EPHA6: variants seen among roughly 807,000 people sequenced by gnomAD.
The protein encoded by EPHA6 is ephrin type-A receptor 6.
In EPHA6, 50 loss-of-function variants were observed where a neutral mutation model predicts 112.0. That is an observed-to-expected ratio of 0.45 (90% confidence interval 0.36 to 0.56). The LOEUF (loss-of-function observed/expected upper bound fraction) is 0.56, where lower values mean the gene tolerates loss of function less well. Ranked by LOEUF, EPHA6 falls within the 20% of genes least tolerant of loss-of-function variation. The pLI is 0.00. For missense variants in EPHA6, 1,280 were observed against 1,417.4 expected (o/e 0.90, Z 1.56); for synonymous variants, 529 against 490.7 (o/e 1.08, Z -1.03).
intron 5 of EPHA6, among the ~76,000 whole-genome samples, chr3:97,281,248 C>T (rs889463275): frequency 1.3e-5 from 2 of 150,238 alleles, no homozygotes; most frequent in Non-Finnish European, 3.0e-5. Flanking sequence ...TGTGCATGAG[C>T]ATGTGTGTGT....
At chr3:97,454,623 T>C (rs2090624946) in intron 7 of EPHA6, among the ~76,000 whole-genome samples, 1 of 151,834 alleles carries the variant, frequency 6.6e-6, no homozygotes, top group African/African-American at 2.4e-5. Context: ...TACAAATTAA[T>C]TGTTAATTCT....
chr3:97,009,875 C>A, intron 3 of EPHA6: 8 of 413,470 alleles, frequency 1.9e-5, no homozygotes, highest in South Asian at 1.4e-4. Context: ...TAGGCCACCA[C>A]ACCACTCTGC....
At chr3:97,167,118 G>A (rs553069566) in intron 3 of EPHA6, among the ~76,000 whole-genome samples, 6 of 152,154 alleles carry the variant, frequency 3.9e-5, no homozygotes, top group African/African-American at 1.4e-4. Flanking sequence ...GTTGTGCCAG[G>A]AAGCATCTTT....
chr3:97,587,008 C>T (rs1291508783), intron 11 of EPHA6, among the ~76,000 whole-genome samples: 3 of 152,068 alleles, frequency 2.0e-5, no homozygotes, highest in South Asian at 2.1e-4. Flanking sequence ...TTTGGAAAGC[C>T]GAGGTGGGCG....
At chr3:97,362,556 G>A (rs2084430763) in intron 5 of EPHA6, among the ~76,000 whole-genome samples, 1 of 152,002 alleles carries the variant, frequency 6.6e-6, no homozygotes, top group African/African-American at 2.4e-5. Context: ...ATGGGCTACT[G>A]AGAGAAAGTG....
chr3:97,707,914 C>T (rs1437328273), intron 14 of EPHA6, among the ~76,000 whole-genome samples: 1 of 152,140 alleles, frequency 6.6e-6, no homozygotes, highest in African/African-American at 2.4e-5. Context: ...TTGTAAGTTG[C>T]CTGAGGCCTC....
At chr3:97,442,671 C>G (rs1560014039) in intron 6 of EPHA6, among the ~76,000 whole-genome samples, 1 of 152,042 alleles carries the variant, frequency 6.6e-6, no homozygotes, top group Non-Finnish European at 1.5e-5. Context: ...TATGTTTGCC[C>G]CTACAGAGCT....
At chr3:97,718,457 G>T (rs980027387) in intron 14 of EPHA6, among the ~76,000 whole-genome samples, 1 of 151,540 alleles carries the variant, frequency 6.6e-6, no homozygotes, top group Non-Finnish European at 1.5e-5. Context: ...ACAATGATTT[G>T]GTTTTTTTTA....
At chr3:96,816,033 C>G (rs1241501484) in intron 1 of EPHA6, among the ~76,000 whole-genome samples, 1 of 151,970 alleles carries the variant, frequency 6.6e-6, no homozygotes, top group African/African-American at 2.4e-5. Context: ...TTCAGAGTCT[C>G]GAAGTAATTT....
intron 1 of EPHA6, among the ~76,000 whole-genome samples, chr3:96,828,232 G>T (rs1331059331): frequency 6.6e-6 from 1 of 152,016 alleles, no homozygotes; most frequent in African/African-American, 2.4e-5. Context: ...ATCCTTTTAG[G>T]CTGTTCAGAA....
intron 5 of EPHA6, among the ~76,000 whole-genome samples, chr3:97,253,783 T>C (rs2079214825): frequency 6.6e-6 from 1 of 152,170 alleles, no homozygotes. Context: ...GATGCCATAC[T>C]ATTTTGACTT....
At chr3:97,631,148 A>G (rs1004801165) in intron 13 of EPHA6, among the ~76,000 whole-genome samples, 4 of 152,082 alleles carry the variant, frequency 2.6e-5, no homozygotes, top group South Asian at 2.1e-4. Flanking sequence ...AGAGCAAAAC[A>G]AAAGTAAGTG....
At chr3:97,522,452 G>A (rs753520994) in intron 10 of EPHA6, among the ~76,000 whole-genome samples, 4 of 152,130 alleles carry the variant, frequency 2.6e-5, no homozygotes, top group Non-Finnish European at 4.4e-5. Flanking sequence ...TGATTTGCTA[G>A]TATTTTGTTG....
chr3:97,066,617 CA>C (rs2046186368), intron 3 of EPHA6, among the ~76,000 whole-genome samples: 1 of 152,162 alleles, frequency 6.6e-6, no homozygotes, highest in South Asian at 2.1e-4. Context: ...CTTATCAAAA[CA>C]GATGTCAGTG....
intron 3 of EPHA6, among the ~76,000 whole-genome samples, chr3:97,126,520 A>G (rs533725656): frequency 2.0e-5 from 3 of 152,326 alleles, no homozygotes; most frequent in Non-Finnish European, 2.9e-5. Flanking sequence ...AAATAATTAC[A>G]TGAAGAAGCA....
intron 5 of EPHA6, among the ~76,000 whole-genome samples, chr3:97,315,801 A>G (rs1042079176): frequency 1.3e-5 from 2 of 151,828 alleles, no homozygotes; most frequent in Non-Finnish European, 2.9e-5. Flanking sequence ...TTGGAAACTG[A>G]GGTTCACACA....
At chr3:96,851,677 A>G (rs1390861636) in intron 1 of EPHA6, among the ~76,000 whole-genome samples, 2 of 152,176 alleles carry the variant, frequency 1.3e-5, no homozygotes, top group Admixed American at 6.6e-5. Context: ...TGCTTCTAAC[A>G]GGCACTGTCA....
chr3:96,897,126 T>C (rs1308278596), intron 2 of EPHA6, among the ~76,000 whole-genome samples: 1 of 152,058 alleles, frequency 6.6e-6, no homozygotes, highest in Non-Finnish European at 1.5e-5. Flanking sequence ...TTCATGCCAA[T>C]TATATTTTTA....
intron 3 of EPHA6, among the ~76,000 whole-genome samples, chr3:97,221,284 T>C (rs2078188027): frequency 1.8e-5 from 2 of 113,970 alleles, no homozygotes; most frequent in African/African-American, 7.2e-5. Context: ...CACTCCAGCC[T>C]GGTGACAGAG....
Sources: gnomAD v4.1 joint callset for allele counts (sites outside exome capture counted in the v4.1 genomes callset) on GRCh38, gnomAD v4.1.1 for gene constraint, MANE v1.5 for transcripts, NCBI Gene and HGNC (gene_info 2026-07-23, HGNC 2026-07-21) for gene names.